TANGO6: variants seen among roughly 807,000 people sequenced by gnomAD.
The protein encoded by TANGO6 is transport and golgi organization 6 homolog.
Under a neutral mutation model 114.2 loss-of-function variants are expected in TANGO6, and 90 were observed. The ratio of observed to expected loss-of-function variants is 0.79; its 90% CI spans 0.66 to 0.94. The LOEUF (loss-of-function observed/expected upper bound fraction) is 0.94, where lower values mean the gene tolerates loss of function less well. Ranked by LOEUF, TANGO6 falls within the 40% of genes least tolerant of loss-of-function variation. TANGO6 has a pLI of 0.00. For synonymous variants in TANGO6, 477 were observed against 509.8 expected (o/e 0.94, Z 0.87); for missense variants, 1,274 against 1,315.3 (o/e 0.97, Z 0.49).
chr16:69,061,120 T>C (rs1960109569), intron 17 of TANGO6, among the ~76,000 whole-genome samples: 1 of 152,194 alleles, frequency 6.6e-6, no homozygotes, highest in Non-Finnish European at 1.5e-5. Context: ...GGAGGGAATT[T>C]TGCCTCCTTA....
At chr16:69,014,321 T>C (rs1332199267) in intron 15 of TANGO6, among the ~76,000 whole-genome samples, 1 of 152,100 alleles carries the variant, frequency 6.6e-6, no homozygotes, top group Non-Finnish European at 1.5e-5. Context: ...ATCCTTATGA[T>C]AGCCAAAGGC....
intron 17 of TANGO6, among the ~76,000 whole-genome samples, chr16:69,061,512 C>T (rs1960114859): frequency 6.6e-6 from 1 of 152,102 alleles, no homozygotes; most frequent in Non-Finnish European, 1.5e-5. Context: ...GAGATCGCGC[C>T]ACCGCACTCC....
At chr16:68,998,055 G>T (rs937765309) in intron 15 of TANGO6, among the ~76,000 whole-genome samples, 3 of 152,162 alleles carry the variant, frequency 2.0e-5, no homozygotes, top group Admixed American at 6.5e-5. Context: ...TGTTGAGTAG[G>T]CTTATCCTGC....
In TANGO6 at chr16:69,084,808, A is replaced by G. The variant is rs530746940; in HGVS notation, c.*1147A>G. On this transcript the variant is annotated 3_prime_UTR_variant, in exon 18 of 18. Coordinates refer to ENST00000261778, the MANE Select transcript of TANGO6 (RefSeq NM_024562.2). The stretch of plus-strand genomic sequence containing the variant: ...GGGTGACTAGATCCACAGGAACCAA[A>G]ACGCAGTTTCCAAAAGCTCGAGTGA... 6.6e-6 allele frequency: 1 copy of G among 152,468 alleles called. No homozygotes were observed. Among genetic ancestry groups the G allele is most frequent in the South Asian group, 2.1e-4 (1 of 4,824 alleles). 9.4% of individuals were successfully genotyped at this position (152,468 alleles called of 1,614,324 possible).
intron 17 of TANGO6, among the ~76,000 whole-genome samples, chr16:69,073,778 A>G (rs9939426): frequency 0.024 from 3,604 of 152,120 alleles, 145 homozygotes; most frequent in African/African-American, 0.082. Context: ...AATATGGTGA[A>G]ACCCAGTCTC....
intron 5 of TANGO6, among the ~76,000 whole-genome samples, chr16:68,876,321 C>G (rs1368718632): frequency 6.6e-6 from 1 of 152,014 alleles, no homozygotes; most frequent in Non-Finnish European, 1.5e-5. Flanking sequence ...GCCACCACAC[C>G]CGGCTAATTT....
chr16:68,919,493 T>C (rs954012738), intron 12 of TANGO6, among the ~76,000 whole-genome samples: 1 of 152,132 alleles, frequency 6.6e-6, no homozygotes, highest in Admixed American at 6.6e-5. Context: ...TAGCCTGGTG[T>C]TTTGCATCTG....
chr16:68,912,117 T>C (rs899130872), intron 11 of TANGO6, among the ~76,000 whole-genome samples: 2 of 152,228 alleles, frequency 1.3e-5, no homozygotes, highest in African/African-American at 4.8e-5. Flanking sequence ...CCTGTAAGAA[T>C]TGTATGTCAG....
At chr16:68,882,384 C>T (rs993979076) in intron 7 of TANGO6, among the ~76,000 whole-genome samples, 32 of 151,922 alleles carry the variant, frequency 2.1e-4, no homozygotes, top group Non-Finnish European at 2.6e-4. Context: ...GTAGTCCCAG[C>T]TACTCGGGAG....
chr16:68,963,645 TCAAA>T (rs1289306517), intron 14 of TANGO6, among the ~76,000 whole-genome samples: 1 of 152,224 alleles, frequency 6.6e-6, no homozygotes, highest in Admixed American at 6.5e-5. Context: ...ACACACATGC[TCAAA>T]CAACTTCTGC....
At chr16:69,018,739 G>C (rs971164658) in intron 15 of TANGO6, among the ~76,000 whole-genome samples, 5 of 151,190 alleles carry the variant, frequency 3.3e-5, no homozygotes, top group African/African-American at 1.2e-4. Context: ...TGGCTAACAC[G>C]GTGAAACCCC....
rs373494183 is a variant in TANGO6, at chr16:68,878,141, A to G, written c.1155A>G (p.Gln385=). The part of the protein sequence containing the change: ...CPQVLDLFHF[Q]DKLTARQFQR... ...AGGTTCTGGATTTATTTCACTTTCA[A>G]GATAAATTGACAGCACGACAATTTC... The change falls in exon 6 of 18, where the codon CAA becomes CAG. Residue 385 remains glutamine (Q), a synonymous_variant. Transcript: ENST00000261778. 4.0e-4 allele frequency: 639 copies of G among 1,610,574 alleles called. 1 individual carries two copies. The highest frequency in any genetic ancestry group is 3.9e-4 in the Non-Finnish European group (460 of 1,178,786).
At chr16:68,964,562 A>C (rs1963625562) in intron 14 of TANGO6, among the ~76,000 whole-genome samples, 1 of 147,662 alleles carries the variant, frequency 6.8e-6, no homozygotes. Context: ...AAAACATATT[A>C]ATTTTTTTTT....
At chr16:68,872,199 C>A (rs1053933948) in intron 4 of TANGO6, among the ~76,000 whole-genome samples, 2 of 150,410 alleles carry the variant, frequency 1.3e-5, no homozygotes, top group Non-Finnish European at 3.0e-5. Flanking sequence ...TCAGCCTGGG[C>A]GATAGGGTGA....
At chr16:68,877,446 C>G (rs982862522) in intron 5 of TANGO6, among the ~76,000 whole-genome samples, 18 of 128,136 alleles carry the variant, frequency 1.4e-4, no homozygotes, top group African/African-American at 3.9e-4. Context: ...CCAGCCTGGG[C>G]GGCAGGGTGA....
chr16:68,940,999 A>G (rs991848762), intron 14 of TANGO6, among the ~76,000 whole-genome samples: 1 of 152,158 alleles, frequency 6.6e-6, no homozygotes, highest in African/African-American at 2.4e-5. Flanking sequence ...TGACAGTTTT[A>G]TTTACTTACT....
At chr16:69,018,501 G>A (rs1005887293) in intron 15 of TANGO6, among the ~76,000 whole-genome samples, 4 of 151,710 alleles carry the variant, frequency 2.6e-5, no homozygotes, top group African/African-American at 9.7e-5. Flanking sequence ...TAACTCATAG[G>A]AATTAAGTAT....
At chr16:68,916,569 G>A (rs559548502) in intron 11 of TANGO6, among the ~76,000 whole-genome samples, 10 of 151,428 alleles carry the variant, frequency 6.6e-5, no homozygotes, top group Non-Finnish European at 1.5e-5. Flanking sequence ...CAGATGGCTC[G>A]AAGACACTGG....
intron 1 of TANGO6, among the ~76,000 whole-genome samples, chr16:68,848,416 A>T (rs1016506061): frequency 4.6e-5 from 7 of 152,150 alleles, no homozygotes; most frequent in African/African-American, 1.7e-4. Flanking sequence ...ACTATTAGCA[A>T]TTCAGAGCGT....
Sources: allele counts gnomAD v4.1 joint callset (sites outside exome capture counted in the v4.1 genomes callset), GRCh38; gene constraint gnomAD v4.1.1; transcripts MANE v1.5; gene names NCBI Gene and HGNC (gene_info 2026-07-23, HGNC 2026-07-21).